Variants in KCNAB1 observed in about 807,000 individuals in gnomAD.
KCNAB1 encodes the protein potassium voltage-gated channel subfamily A regulatory beta subunit 1, also known as voltage-gated potassium channel subunit beta-1.
In KCNAB1, 35 loss-of-function variants were observed where a neutral mutation model predicts 64.6. That is an observed-to-expected ratio of 0.54 (90% confidence interval 0.41 to 0.72). The LOEUF (loss-of-function observed/expected upper bound fraction) is 0.72. Ranked by LOEUF, KCNAB1 falls within the 30% of genes least tolerant of loss-of-function variation. KCNAB1 has a pLI of 0.00. For missense variants in KCNAB1, 401 were observed against 512.9 expected (o/e 0.78, Z 2.11); for synonymous variants, 177 against 183.8 (o/e 0.96, Z 0.30).
At chr3:156,183,129 G>C (rs900766030) in intron 1 of KCNAB1, among the ~76,000 whole-genome samples, 1 of 152,118 alleles carries the variant, frequency 6.6e-6, no homozygotes. Flanking sequence ...GACCATCTGG[G>C]AAGAGTATAC....
At chr3:156,444,666 C>A (rs1717269136) in intron 2 of KCNAB1, among the ~76,000 whole-genome samples, 1 of 152,220 alleles carries the variant, frequency 6.6e-6, no homozygotes, top group Admixed American at 6.5e-5. Flanking sequence ...GAAGCCAATT[C>A]CTCACCTCCA....
At chr3:156,457,259 G>A in intron 3 of KCNAB1, 194 bp from the exon 4 acceptor site, 14 of 1,385,904 alleles carry the variant, frequency 1.0e-5, no homozygotes, top group Non-Finnish European at 1.1e-5. Context: ...AGTGCCCTAT[G>A]TCTGAAGGAA....
At chr3:156,238,421 C>G (rs1477275548) in intron 1 of KCNAB1, among the ~76,000 whole-genome samples, 1 of 71,802 alleles carries the variant, frequency 1.4e-5, no homozygotes, top group Non-Finnish European at 2.9e-5. Context: ...GACTTGGTCT[C>G]AAAAAAAAAA....
At chr3:156,328,565 A>T (rs1449333127) in intron 1 of KCNAB1, among the ~76,000 whole-genome samples, 1 of 152,148 alleles carries the variant, frequency 6.6e-6, no homozygotes, top group Non-Finnish European at 1.5e-5. Context: ...TTATTGTATT[A>T]AATACTACTA....
At chr3:156,122,659 G>A (rs1482228123) in intron 1 of KCNAB1, among the ~76,000 whole-genome samples, 1 of 152,126 alleles carries the variant, frequency 6.6e-6, no homozygotes. Context: ...ATAGCATGGT[G>A]TTTCCCTTGT....
intron 7 of KCNAB1, among the ~76,000 whole-genome samples, chr3:156,469,162 A>T (rs6770093): frequency 0.069 from 10,514 of 151,962 alleles, 403 homozygotes; most frequent in African/African-American, 0.11. Context: ...AAGGTCTGCT[A>T]CTATGCTCCT....
At chr3:156,222,127 CAGAATGGCAGAATGGATA>C (rs1268968603) in intron 1 of KCNAB1, among the ~76,000 whole-genome samples, 1 of 152,196 alleles carries the variant, frequency 6.6e-6, no homozygotes, top group East Asian at 1.9e-4. Context: ...TTAAAAGATA[CAGAATGGCAGAATGGATA>C]AGAATTCACC....
At chr3:156,479,985 T>C (rs1714671800) in intron 8 of KCNAB1, among the ~76,000 whole-genome samples, 1 of 152,154 alleles carries the variant, frequency 6.6e-6, no homozygotes, top group African/African-American at 2.4e-5. Context: ...ATTCAGGATA[T>C]CCAATGACAA....
intron 1 of KCNAB1, among the ~76,000 whole-genome samples, chr3:156,276,588 T>G (rs1719359515): frequency 6.6e-6 from 1 of 152,214 alleles, no homozygotes; most frequent in Non-Finnish European, 1.5e-5. Flanking sequence ...GCTAGATCTT[T>G]TGGATAAGTT....
At chr3:156,372,559 G>A (rs1443006964) in intron 1 of KCNAB1, among the ~76,000 whole-genome samples, 1 of 152,152 alleles carries the variant, frequency 6.6e-6, no homozygotes, top group African/African-American at 2.4e-5. Context: ...TGGTGGACAG[G>A]GTGCTACACT....
At chr3:156,499,504 T>G (rs184065907) in intron 8 of KCNAB1, among the ~76,000 whole-genome samples, 11 of 152,310 alleles carry the variant, frequency 7.2e-5, no homozygotes, top group African/African-American at 2.6e-4. Flanking sequence ...CATGAAATTT[T>G]TGAGGTCCCT....
intron 1 of KCNAB1, among the ~76,000 whole-genome samples, chr3:156,371,310 C>G (rs192399004): frequency 2.2e-3 from 328 of 152,302 alleles, no homozygotes; most frequent in Non-Finnish European, 3.4e-3. Context: ...ATATTAACCT[C>G]TTGAGCTTCA....
At position 156,417,924 on chromosome 3, in the gene KCNAB1, C is replaced by T. The variant is rs73873358; in HGVS notation, c.276-3692C>T. ...CCTTCTCCACATAACTCTTTACTGA[C>T]GCTGTAGGATTTCCAAAATTTGACT... On this transcript the variant is annotated intron_variant, in intron 1 of 13. Transcript: ENST00000490337. Among the ~76,000 whole-genome samples the T allele has an allele frequency of 3.4e-3, 518 of 152,318 alleles. 3 individuals are homozygous for T. The highest frequency in any genetic ancestry group is 0.011 in the African/African-American group (459 of 41,574).
rs1713995367 is a variant in KCNAB1, at chr3:156,472,503, T to G, written c.572-2231T>G. On this transcript the variant is annotated intron_variant, in intron 7 of 13. Coordinates refer to ENST00000490337, the MANE Select transcript of KCNAB1 (RefSeq NM_172160.3). The stretch of plus-strand genomic sequence containing the variant: ...CATGGATTACAAGACTTTACGTGAT[T>G]GAGATTTTTAAAGTGAGTGGATAGT... Among the ~76,000 whole-genome samples, 3 of 152,296 alleles carry G rather than the reference T, an allele frequency of 2.0e-5. No individual in the cohort carries two copies. In the South Asian group the frequency reaches 6.2e-4, roughly 32 times the overall value.
chr3:156,153,923 T>G (rs908938175), intron 1 of KCNAB1, among the ~76,000 whole-genome samples: 6 of 152,254 alleles, frequency 3.9e-5, no homozygotes, highest in African/African-American at 1.4e-4. Flanking sequence ...TAGTTCCTTA[T>G]AATCAATCAA....
chr3:156,321,634 A>G (rs1040335099), intron 1 of KCNAB1, among the ~76,000 whole-genome samples: 2 of 152,364 alleles, frequency 1.3e-5, no homozygotes, highest in South Asian at 4.1e-4. Context: ...GGGAATGCAT[A>G]TACCTTTTAT....
intron 4 of KCNAB1, 27 bp from the exon 5 acceptor site, chr3:156,459,800 T>C: frequency 6.3e-7 from 1 of 1,579,232 alleles, no homozygotes; most frequent in Non-Finnish European, 8.7e-7. Flanking sequence ...CACTGCATTC[T>C]AAGACATTAT....
intron 1 of KCNAB1, among the ~76,000 whole-genome samples, chr3:156,371,302 A>T (rs1287607462): frequency 6.6e-6 from 1 of 152,144 alleles, no homozygotes; most frequent in Admixed American, 6.5e-5. Flanking sequence ...CCTTGTGAAT[A>T]TTAACCTCTT....
At chr3:156,301,612 A>C (rs1430585134) in intron 1 of KCNAB1, among the ~76,000 whole-genome samples, 1 of 152,210 alleles carries the variant, frequency 6.6e-6, no homozygotes, top group African/African-American at 2.4e-5. Flanking sequence ...ACAACGTCTC[A>C]CTCAATAATG....
Sources: allele counts gnomAD v4.1 joint callset (sites outside exome capture counted in the v4.1 genomes callset), GRCh38; gene constraint gnomAD v4.1.1; transcripts MANE v1.5; gene names NCBI Gene and HGNC (gene_info 2026-07-23, HGNC 2026-07-21).